The following DLG2 variants were observed in gnomAD, a reference collection of about 807,000 sequenced individuals.
DLG2 encodes the protein disks large homolog 2.
DLG2 carries 45 observed loss-of-function variants against 132.5 expected under a neutral mutation model. The observed-to-expected ratio is 0.34, with a 90% CI of 0.27 to 0.44. The LOEUF (loss-of-function observed/expected upper bound fraction) is 0.44. Ranked by LOEUF, DLG2 falls within the 20% of genes least tolerant of loss-of-function variation. DLG2 has a pLI of 1.00. For missense variants in DLG2, 1,045 were observed against 1,196.9 expected (o/e 0.87, Z 1.87); for synonymous variants, 424 against 419.6 (o/e 1.01, Z -0.13).
chr11:84,215,894 T>A (rs1365529717), intron 8 of DLG2, among the ~76,000 whole-genome samples: 1 of 152,216 alleles, frequency 6.6e-6, no homozygotes, highest in Non-Finnish European at 1.5e-5. Flanking sequence ...TGCTCACTGC[T>A]TAATGAATTC....
At chr11:85,428,301 C>T (rs1432201802) in intron 3 of DLG2, among the ~76,000 whole-genome samples, 1 of 152,224 alleles carries the variant, frequency 6.6e-6, no homozygotes, top group Non-Finnish European at 1.5e-5. Flanking sequence ...CAGAACTCTC[C>T]ACCCCAAATC....
chr11:83,846,940 C>CAAAAAAAAAA (rs1565319397), intron 16 of DLG2, among the ~76,000 whole-genome samples: 1 of 58,154 alleles, frequency 1.7e-5, no homozygotes, highest in African/African-American at 5.0e-5. Flanking sequence ...ATCTCCCAAG[C>CAAAAAAAAAA]CAAAAAAAAA....
intron 2 of DLG2, among the ~76,000 whole-genome samples, chr11:85,614,723 G>A (rs1326596740): frequency 6.6e-6 from 1 of 152,162 alleles, no homozygotes; most frequent in Non-Finnish European, 1.5e-5. Flanking sequence ...TAGCATTTGT[G>A]GAACAATGCT....
intron 6 of DLG2, among the ~76,000 whole-genome samples, chr11:84,655,453 T>C (rs990343103): frequency 6.6e-6 from 1 of 152,126 alleles, no homozygotes; most frequent in African/African-American, 2.4e-5. Flanking sequence ...AGTGATTTAC[T>C]AGAGAACAGA....
chr11:83,673,562 C>T (rs1183014087), intron 18 of DLG2, among the ~76,000 whole-genome samples: 6 of 152,254 alleles, frequency 3.9e-5, no homozygotes, highest in Non-Finnish European at 7.4e-5. Context: ...GGCCCACTAG[C>T]ACTTTTTTGT....
chr11:85,041,261 G>T (rs576401984), intron 6 of DLG2, among the ~76,000 whole-genome samples: 3 of 152,044 alleles, frequency 2.0e-5, no homozygotes, highest in Non-Finnish European at 4.4e-5. Context: ...AGACTCCTTT[G>T]GGATGTGGCA....
intron 10 of DLG2, among the ~76,000 whole-genome samples, chr11:84,095,718 A>G (rs1033116125): frequency 6.6e-6 from 1 of 152,210 alleles, no homozygotes; most frequent in African/African-American, 2.4e-5. Context: ...CCCACTCTAT[A>G]AAATGTATGT....
At chr11:84,361,642 G>T (rs1254694321) in intron 7 of DLG2, among the ~76,000 whole-genome samples, 1 of 151,886 alleles carries the variant, frequency 6.6e-6, no homozygotes, top group Non-Finnish European at 1.5e-5. Context: ...AAGAACATCA[G>T]AAATGATCAA....
intron 18 of DLG2, among the ~76,000 whole-genome samples, chr11:83,677,746 A>G (rs1303397552): frequency 1.3e-5 from 2 of 152,216 alleles, no homozygotes; most frequent in African/African-American, 4.8e-5. Context: ...TTTGTTGCTT[A>G]GAACTCCTGG....
chr11:83,647,192 T>C (rs999900040), intron 18 of DLG2: 2 of 151,010 alleles, frequency 1.3e-5, no homozygotes, highest in African/African-American at 4.9e-5. Context: ...TTCCCCAGAG[T>C]CTCTTAATAT....
intron 4 of DLG2, among the ~76,000 whole-genome samples, chr11:85,275,723 A>G (rs1440385200): frequency 6.6e-6 from 1 of 152,202 alleles, no homozygotes; most frequent in East Asian, 1.9e-4. Flanking sequence ...AGACAGTAAT[A>G]TAATTCATTT....
chr11:85,617,229 C>A (rs2081397565), intron 2 of DLG2, among the ~76,000 whole-genome samples: 1 of 152,218 alleles, frequency 6.6e-6, no homozygotes, highest in African/African-American at 2.4e-5. Context: ...CACCATGTCA[C>A]TGCTATCGAT....
At chr11:83,724,811 G>T (rs2089653684) in intron 18 of DLG2, 1 of 701,932 alleles carries the variant, frequency 1.4e-6, no homozygotes, top group Admixed American at 2.0e-5. Context: ...CCCCCACATG[G>T]TCTGTCAAGA....
intron 8 of DLG2, among the ~76,000 whole-genome samples, chr11:84,164,366 T>G (rs2095614809): frequency 6.6e-6 from 1 of 152,246 alleles, no homozygotes; most frequent in Non-Finnish European, 1.5e-5. Context: ...GGTTGTTTCT[T>G]ATTTCTGATA....
intron 19 of DLG2, among the ~76,000 whole-genome samples, chr11:83,557,964 A>G (rs1270242579): frequency 1.3e-5 from 2 of 152,188 alleles, no homozygotes; most frequent in African/African-American, 4.8e-5. Flanking sequence ...TTATTTAATC[A>G]GTTAGAGAAG....
At chr11:83,901,832 C>G (rs1180659853) in intron 15 of DLG2, among the ~76,000 whole-genome samples, 1 of 152,124 alleles carries the variant, frequency 6.6e-6, no homozygotes, top group Non-Finnish European at 1.5e-5. Flanking sequence ...GGTAAGTCCA[C>G]TTAACTAAGC....
intron 19 of DLG2, among the ~76,000 whole-genome samples, chr11:83,581,311 G>A (rs772057393): frequency 6.6e-6 from 1 of 152,054 alleles, no homozygotes; most frequent in Non-Finnish European, 1.5e-5. Context: ...AGTCCAGTTG[G>A]GAACTGCTGC....
chr11:84,944,182 T>C (rs557849866), intron 6 of DLG2, among the ~76,000 whole-genome samples: 28 of 152,288 alleles, frequency 1.8e-4, no homozygotes, highest in South Asian at 8.3e-4. Flanking sequence ...CTTTGGGAGT[T>C]TGATTATTAA....
intron 8 of DLG2, among the ~76,000 whole-genome samples, chr11:84,196,859 G>A (rs2096525837): frequency 6.6e-6 from 1 of 151,540 alleles, no homozygotes; most frequent in Non-Finnish European, 1.5e-5. Context: ...AGTCAACAAG[G>A]CGAAACAACT....
Sources: gnomAD v4.1 joint callset for allele counts (sites outside exome capture counted in the v4.1 genomes callset) on GRCh38, gnomAD v4.1.1 for gene constraint, MANE v1.5 for transcripts, NCBI Gene and HGNC (gene_info 2026-07-23, HGNC 2026-07-21) for gene names.